The following SLC8A1 variants were observed in gnomAD, a reference collection of about 807,000 sequenced individuals.
SLC8A1 encodes sodium/calcium exchanger 1.
A neutral mutation model predicts 68.3 loss-of-function variants in SLC8A1; 18 were observed. That is an observed-to-expected ratio of 0.26 (90% CI 0.18 to 0.39). The LOEUF is 0.39. Ranked by LOEUF, SLC8A1 falls within the 10% of genes least tolerant of loss-of-function variation. The probability of loss-of-function intolerance (pLI) is 1.00; values close to 1 mark genes in which losing one functional copy is unlikely to be tolerated. For synonymous variants in SLC8A1, 475 were observed against 415.5 expected, an observed-to-expected ratio of 1.14 and a Z score of -1.74; for missense variants, 985 against 1,156.7, an observed-to-expected ratio of 0.85 and a Z score of 2.15.
chr2:40,409,125 G>A (rs140402210), intron 2 of SLC8A1, among the ~76,000 whole-genome samples: 2 of 152,076 alleles, frequency 1.3e-5, no homozygotes, highest in African/African-American at 2.4e-5. Context: ...GAGACAATGA[G>A]ACAAGAATAC....
chr2:40,396,920 G>C (rs1028762730), intron 2 of SLC8A1, among the ~76,000 whole-genome samples: 1 of 152,100 alleles, frequency 6.6e-6, no homozygotes, highest in Admixed American at 6.5e-5. Flanking sequence ...GGTGTTAGGG[G>C]AGGTGGGCTT....
intron 2 of SLC8A1, among the ~76,000 whole-genome samples, chr2:40,335,249 A>G (rs1402578652): frequency 6.6e-6 from 1 of 152,234 alleles, no homozygotes; most frequent in African/African-American, 2.4e-5. Context: ...GTAAAGACAA[A>G]GCAAATAGAT....
At chr2:40,342,037 A>C (rs1172102604) in intron 2 of SLC8A1, among the ~76,000 whole-genome samples, 1 of 152,138 alleles carries the variant, frequency 6.6e-6, no homozygotes, top group Non-Finnish European at 1.5e-5. Flanking sequence ...AAGGTTATTT[A>C]GTTACTTAGA....
intron 6 of SLC8A1, among the ~76,000 whole-genome samples, chr2:40,142,786 T>C (rs1330101593): frequency 1.3e-5 from 2 of 152,244 alleles, no homozygotes; most frequent in African/African-American, 4.8e-5. Flanking sequence ...GTAGTTATCA[T>C]TATTTCCCTC....
At chr2:40,100,641 G>A (rs569464436) in exon 8 of SLC8A1, 1 of 152,272 alleles carries the variant, frequency 6.6e-6, no homozygotes, top group South Asian at 2.1e-4. Context: ...ACAGGAAGGA[G>A]TGACTGTGAT....
At chr2:40,453,773 T>C (rs915758530), upstream of SLC8A1, among the ~76,000 whole-genome samples, 2 of 152,202 alleles carry the variant, frequency 1.3e-5, no homozygotes, top group African/African-American at 4.8e-5. Context: ...TCTTTTTCAA[T>C]AGACCTGGAG....
intron 2 of SLC8A1, among the ~76,000 whole-genome samples, chr2:40,272,698 C>A (rs566390688): frequency 6.8e-4 from 104 of 152,268 alleles, no homozygotes; most frequent in African/African-American, 2.5e-3. Context: ...TCAGGCAATG[C>A]CCTTTTAACA....
chr2:40,357,770 T>A (rs887417716), intron 2 of SLC8A1, among the ~76,000 whole-genome samples: 1 of 152,096 alleles, frequency 6.6e-6, no homozygotes, highest in African/African-American at 2.4e-5. Flanking sequence ...ATCAAATGGA[T>A]TAAAAGCCCT....
At chr2:40,134,257 A>G (rs1163213091) in intron 7 of SLC8A1, among the ~76,000 whole-genome samples, 1 of 151,884 alleles carries the variant, frequency 6.6e-6, no homozygotes, top group African/African-American at 2.4e-5. Context: ...ACGCCCAGCT[A>G]ATTTTTGTAT....
At chr2:40,449,195 C>G (rs185290301) in intron 1 of SLC8A1, among the ~76,000 whole-genome samples, 39 of 149,422 alleles carry the variant, frequency 2.6e-4, no homozygotes, top group Admixed American at 1.9e-3. Context: ...AAAAAACACA[C>G]AGACATTAAT....
chr2:40,480,808 C>G (rs778671670), intron 1 of SLC8A1, among the ~76,000 whole-genome samples: 2 of 152,062 alleles, frequency 1.3e-5, no homozygotes, highest in Non-Finnish European at 2.9e-5. Flanking sequence ...AAGATGAAGA[C>G]CACGACGTTA....
intron 2 of SLC8A1, among the ~76,000 whole-genome samples, chr2:40,358,190 G>GA (rs961739466): frequency 2.7e-5 from 4 of 147,692 alleles, no homozygotes; most frequent in African/African-American, 7.5e-5. Flanking sequence ...ATTCATTCAA[G>GA]AAAAAAATTC....
At chr2:40,148,986 T>C (rs2042946293) in intron 6 of SLC8A1, among the ~76,000 whole-genome samples, 1 of 152,196 alleles carries the variant, frequency 6.6e-6, no homozygotes, top group African/African-American at 2.4e-5. Context: ...GATGTTGTGA[T>C]GTTTTTCTTC....
At chr2:40,351,276 T>G (rs958785777) in intron 2 of SLC8A1, among the ~76,000 whole-genome samples, 1 of 152,120 alleles carries the variant, frequency 6.6e-6, no homozygotes, top group African/African-American at 2.4e-5. Context: ...ATACTACAGA[T>G]TTGAAACATG....
At chr2:40,391,235 C>T (rs1474353803) in intron 2 of SLC8A1, among the ~76,000 whole-genome samples, 1 of 127,052 alleles carries the variant, frequency 7.9e-6, no homozygotes, top group Non-Finnish European at 1.7e-5. Flanking sequence ...TGTACATATG[C>T]ACACTCACAA....
intron 2 of SLC8A1, among the ~76,000 whole-genome samples, chr2:40,321,609 G>A (rs950491165): frequency 3.9e-5 from 6 of 152,060 alleles, no homozygotes; most frequent in Non-Finnish European, 8.8e-5. Flanking sequence ...AGAAAGGGAC[G>A]CAAATACATC....
chr2:40,435,258 C>T (rs1699161542), intron 1 of SLC8A1, among the ~76,000 whole-genome samples: 1 of 152,150 alleles, frequency 6.6e-6, no homozygotes, highest in Non-Finnish European at 1.5e-5. Context: ...AACCATAAAT[C>T]CTTATCCACT....
At chr2:40,378,408 A>G (rs895351612) in intron 2 of SLC8A1, among the ~76,000 whole-genome samples, 1 of 152,092 alleles carries the variant, frequency 6.6e-6, no homozygotes. Context: ...GGAGTACAAG[A>G]CCTAGAAAAA....
At chr2:40,503,098 C>A (rs1054044610) in intron 1 of SLC8A1, among the ~76,000 whole-genome samples, 1 of 151,954 alleles carries the variant, frequency 6.6e-6, no homozygotes, top group African/African-American at 2.4e-5. Context: ...ATTCCTTGAG[C>A]TGCATAATCA....
Sources: gnomAD v4.1 joint callset for allele counts (sites outside exome capture counted in the v4.1 genomes callset) on GRCh38, gnomAD v4.1.1 for gene constraint, MANE v1.5 for transcripts, NCBI Gene and HGNC (gene_info 2026-07-23, HGNC 2026-07-21) for gene names.